Variants in CREB5 observed in about 807,000 individuals in gnomAD.
CREB5 encodes cAMP responsive element binding protein 5.
In CREB5, 19 loss-of-function variants were observed where a neutral mutation model predicts 57.1. That is an observed-to-expected ratio of 0.33 (90% confidence interval 0.23 to 0.49). The LOEUF (loss-of-function observed/expected upper bound fraction) is 0.49, where lower values mean the gene tolerates loss of function less well. Ranked by LOEUF, CREB5 falls within the 20% of genes least tolerant of loss-of-function variation. The pLI is 0.99. For missense variants in CREB5, 579 were observed against 671.6 expected, an observed-to-expected ratio of 0.86 and a Z score of 1.52; for synonymous variants, 238 against 238.3, an observed-to-expected ratio of 1.00 and a Z score of 0.01.
In CREB5 at chr7:28,426,617, G is replaced by A. The variant is rs148445860; in HGVS notation, c.3+13700G>A. Among the ~76,000 whole-genome samples, 316 of 152,292 alleles carry A rather than the reference G, an allele frequency of 2.1e-3. 1 individual carries two copies. The highest frequency in any genetic ancestry group is 7.2e-3 in the African/African-American group (301 of 41,572). On this transcript the variant is annotated intron_variant, in intron 1 of 10. Transcript: ENST00000357727. ...GACATGCTGCATTCACTTCCTGCCT[G>A]TGAAAACAGTACTCTCCAAGGCCCA... is the stretch of plus-strand genomic sequence containing the variant.
intron 1 of CREB5, among the ~76,000 whole-genome samples, chr7:28,415,687 C>T (rs554377895): frequency 6.6e-6 from 1 of 152,208 alleles, no homozygotes; most frequent in Non-Finnish European, 1.5e-5. Context: ...GAGTAAAAAC[C>T]AGGCAGGACT....
intron 4 of CREB5, among the ~76,000 whole-genome samples, chr7:28,552,749 G>A (rs1794722595): frequency 6.6e-6 from 1 of 152,190 alleles, no homozygotes; most frequent in Admixed American, 6.5e-5. Flanking sequence ...AGATGGTACA[G>A]GATGATTTGA....
In CREB5 at chr7:28,526,065, G is replaced by A. The variant is rs796895886; in HGVS notation, c.291+18328G>A. Among the ~76,000 whole-genome samples the A allele has an allele frequency of 6.6e-5, 10 of 152,314 alleles. 1 individual carries two copies. The highest frequency in any genetic ancestry group is 2.4e-4 in the African/African-American group (10 of 41,568). ...TAGGCAAATACTCTACACTCATAAT[G>A]TTCCCTGGATTTTAGGTGGTGGTTG... On this transcript the variant is annotated intron_variant, in intron 4 of 10. Coordinates refer to ENST00000357727, the MANE Select transcript of CREB5 (RefSeq NM_182898.4).
intron 4 of CREB5, among the ~76,000 whole-genome samples, chr7:28,551,924 CTT>C (rs1451175772): frequency 3.7e-5 from 4 of 108,168 alleles, no homozygotes; most frequent in South Asian, 5.4e-4. Flanking sequence ...TCTCTTTTTT[CTT>C]TCTTTCTTTT....
At chr7:28,554,237 C>T (rs539867014) in intron 4 of CREB5, among the ~76,000 whole-genome samples, 1 of 152,296 alleles carries the variant, frequency 6.6e-6, no homozygotes, top group Admixed American at 6.5e-5. Context: ...AGATGTGGGC[C>T]ACTGGTCTGG....
intron 7 of CREB5, among the ~76,000 whole-genome samples, chr7:28,740,045 C>T (rs897727433): frequency 9.2e-5 from 14 of 152,000 alleles, no homozygotes; most frequent in African/African-American, 3.4e-4. Context: ...ATCTTGTTTG[C>T]ATTAGGTGGC....
chr7:28,445,682 G>T (rs1269792117), intron 1 of CREB5, among the ~76,000 whole-genome samples: 1 of 151,974 alleles, frequency 6.6e-6, no homozygotes, highest in African/African-American at 2.4e-5. Flanking sequence ...CTCCCGAGTA[G>T]CTGGGACTAC....
intron 7 of CREB5, among the ~76,000 whole-genome samples, chr7:28,801,982 G>T (rs928662514): frequency 6.7e-6 from 1 of 150,118 alleles, no homozygotes; most frequent in African/African-American, 2.5e-5. Flanking sequence ...CTACTCAGGA[G>T]GCTGAGGCAG....
chr7:28,598,402 A>C (rs1301353288), intron 5 of CREB5, among the ~76,000 whole-genome samples: 1 of 152,176 alleles, frequency 6.6e-6, no homozygotes, highest in African/African-American at 2.4e-5. Context: ...CAATGTGTGA[A>C]AGGGATGAGC....
chr7:28,373,097 T>A (rs553280352), intron 1 of CREB5, among the ~76,000 whole-genome samples: 25 of 152,282 alleles, frequency 1.6e-4, no homozygotes, highest in Non-Finnish European at 1.6e-4. Flanking sequence ...GGACTCCAGC[T>A]CTAATAGGCT....
At chr7:28,306,763 G>T (rs553834647) in intron 1 of CREB5, among the ~76,000 whole-genome samples, 1 of 151,884 alleles carries the variant, frequency 6.6e-6, no homozygotes, top group Non-Finnish European at 1.5e-5. Context: ...GGGTTTCACC[G>T]TGTTAGCCGG....
At chr7:28,700,071 A>G (rs1305758453) in intron 5 of CREB5, among the ~76,000 whole-genome samples, 1 of 152,224 alleles carries the variant, frequency 6.6e-6, no homozygotes, top group East Asian at 1.9e-4. Flanking sequence ...AAGGATTGTT[A>G]TCATCCAGAG....
intron 5 of CREB5, among the ~76,000 whole-genome samples, chr7:28,585,567 T>G (rs560778405): frequency 6.6e-6 from 1 of 152,370 alleles, no homozygotes; most frequent in Admixed American, 6.5e-5. Flanking sequence ...GTGACAGGAC[T>G]GTTCTTTTGA....
Position 28,823,489 on chromosome 7 carries a change from T to G in CREB5, c.*4210T>G, listed in dbSNP as rs1562668984. ...TTTCAAATGGCTATTCTCCATCATT[T>G]GGTGGAAATGTTTGCTTAGATCTCT... is the stretch of plus-strand genomic sequence containing the variant. On this transcript the variant is annotated 3_prime_UTR_variant, in exon 11 of 11. Transcript: ENST00000357727. 1.3e-5 allele frequency: 2 copies of G among 152,662 alleles called. No individual in the cohort carries two copies. The highest frequency in any genetic ancestry group is 1.3e-4 in the Admixed American group (2 of 15,282). The allele number at this position is 152,662 out of a possible 1,614,324, so 9.5% of individuals were successfully genotyped here.
intron 1 of CREB5, among the ~76,000 whole-genome samples, chr7:28,475,218 T>C (rs1446918558): frequency 6.6e-6 from 1 of 150,462 alleles, no homozygotes; most frequent in African/African-American, 2.4e-5. Context: ...TTTTCACAGC[T>C]AACTAACACT....
At chr7:28,642,996 A>ACC in intron 5 of CREB5, among the ~76,000 whole-genome samples, 1 of 143,308 alleles carries the variant, frequency 7.0e-6, no homozygotes, top group Non-Finnish European at 1.5e-5. Context: ...ATACACACAC[A>ACC]CACACACACA....
intron 1 of CREB5, among the ~76,000 whole-genome samples, chr7:28,332,556 G>A (rs1230504799): frequency 3.3e-5 from 5 of 152,102 alleles, no homozygotes; most frequent in Admixed American, 3.3e-4. Context: ...AGTATTTGAA[G>A]ATTACAACCC....
intron 9 of CREB5, among the ~76,000 whole-genome samples, chr7:28,813,067 G>A (rs577798571): frequency 1.1e-4 from 17 of 152,288 alleles, no homozygotes; most frequent in African/African-American, 4.1e-4. Flanking sequence ...TATAGGAATT[G>A]GGGAAAATAT....
chr7:28,654,072 C>T (rs1799241116), intron 5 of CREB5, among the ~76,000 whole-genome samples: 1 of 152,074 alleles, frequency 6.6e-6, no homozygotes, highest in Admixed American at 6.6e-5. Context: ...TTCCAGTAGC[C>T]AATATACATT....
Sources: gnomAD v4.1 joint callset for allele counts (sites outside exome capture counted in the v4.1 genomes callset) on GRCh38, gnomAD v4.1.1 for gene constraint, MANE v1.5 for transcripts, NCBI Gene and HGNC (gene_info 2026-07-23, HGNC 2026-07-21) for gene names.